Variants in PDE4D observed in about 807,000 individuals in gnomAD.
The protein encoded by PDE4D is 3',5'-cyclic-AMP phosphodiesterase 4D.
PDE4D carries 24 observed loss-of-function variants against 87.4 expected under a neutral mutation model. The observed-to-expected ratio is 0.27, with a 90% CI of 0.20 to 0.39. The LOEUF (loss-of-function observed/expected upper bound fraction) is 0.39, where lower values mean the gene tolerates loss of function less well. Ranked by LOEUF, PDE4D falls within the 10% of genes least tolerant of loss-of-function variation. PDE4D has a pLI of 1.00. For missense variants in PDE4D, 714 were observed against 1,041.0 expected (o/e 0.69, Z 4.32); for synonymous variants, 384 against 383.2 (o/e 1.00, Z -0.02).
chr5:59,698,285 T>C (rs1339739419), intron 1 of PDE4D, among the ~76,000 whole-genome samples: 1 of 152,114 alleles, frequency 6.6e-6, no homozygotes, highest in East Asian at 1.9e-4. Flanking sequence ...TTGGCTGAGA[T>C]GTATCTGAGT....
chr5:60,043,058 A>G (rs1286296342), intron 2 of PDE4D, among the ~76,000 whole-genome samples: 1 of 151,732 alleles, frequency 6.6e-6, no homozygotes, highest in Non-Finnish European at 1.5e-5. Flanking sequence ...AAAAAAGGTG[A>G]GAGGAATTGC....
chr5:59,392,491 A>G (rs994253857), intron 1 of PDE4D, among the ~76,000 whole-genome samples: 7 of 133,500 alleles, frequency 5.2e-5, no homozygotes, highest in Non-Finnish European at 8.0e-5. Flanking sequence ...CTTTATATAT[A>G]TGTGTGTGTG....
At chr5:60,082,422 T>C (rs1364938087) in intron 2 of PDE4D, among the ~76,000 whole-genome samples, 9 of 152,082 alleles carry the variant, frequency 5.9e-5, no homozygotes, top group Non-Finnish European at 1.2e-4. Context: ...AACTGTGAGA[T>C]AAATGTTTGT....
At chr5:59,877,776 G>A (rs181147354) in intron 1 of PDE4D, among the ~76,000 whole-genome samples, 4 of 152,092 alleles carry the variant, frequency 2.6e-5, no homozygotes, top group South Asian at 4.2e-4. Flanking sequence ...CCAAGATCGC[G>A]CCACTGCACT....
rs564603339 is a variant in PDE4D, at chr5:60,081,936, A to C, written c.43-93219T>G. On this transcript the variant is annotated intron_variant, in intron 2 of 16. Transcript: ENST00000502484. ...GGTTAATGAAAGTTTGAGTAAAGTA[A>C]ATTCATCAGGATCATAGGCACTACT... Among the ~76,000 whole-genome samples the C allele has an allele frequency of 2.0e-5, 3 of 152,226 alleles. No individual in the cohort carries two copies. The East Asian group carries it at 5.8e-4, about 29-fold the overall frequency.
At chr5:59,021,207 C>CT (rs1002053495) in intron 6 of PDE4D, among the ~76,000 whole-genome samples, 14 of 152,176 alleles carry the variant, frequency 9.2e-5, no homozygotes, top group African/African-American at 3.4e-4. Context: ...CAATAAGAGT[C>CT]TTTTTTATGG....
chr5:59,748,509 G>A (rs1037417116), intron 1 of PDE4D, among the ~76,000 whole-genome samples: 1 of 152,108 alleles, frequency 6.6e-6, no homozygotes, highest in Non-Finnish European at 1.5e-5. Flanking sequence ...TAGGGACATG[G>A]ATGAAGCTGG....
intron 1 of PDE4D, among the ~76,000 whole-genome samples, chr5:59,381,887 C>T (rs1785944416): frequency 6.6e-6 from 1 of 151,944 alleles, no homozygotes; most frequent in Non-Finnish European, 1.5e-5. Context: ...AATAGTCTGG[C>T]CAGAAATTTT....
At chr5:59,126,260 A>G (rs868786254) in intron 5 of PDE4D, among the ~76,000 whole-genome samples, 1 of 152,328 alleles carries the variant, frequency 6.6e-6, no homozygotes, top group African/African-American at 2.4e-5. Context: ...AAAATAGCCA[A>G]TACGACCCAA....
At chr5:60,386,429 C>G (rs1762196833) in intron 1 of PDE4D, among the ~76,000 whole-genome samples, 1 of 152,210 alleles carries the variant, frequency 6.6e-6, no homozygotes, top group South Asian at 2.1e-4. Flanking sequence ...AGAGTCTCTT[C>G]TATGTGCCTG....
intron 1 of PDE4D, among the ~76,000 whole-genome samples, chr5:59,239,048 G>A (rs1757101497): frequency 6.6e-6 from 1 of 152,180 alleles, no homozygotes; most frequent in African/African-American, 2.4e-5. Context: ...CAGCAAACAT[G>A]GGAGAGGGAT....
At chr5:59,254,268 C>A (rs1055041070) in intron 1 of PDE4D, among the ~76,000 whole-genome samples, 1 of 152,058 alleles carries the variant, frequency 6.6e-6, no homozygotes, top group Non-Finnish European at 1.5e-5. Flanking sequence ...ACATACCACC[C>A]TCCTATTTCT....
At chr5:59,603,665 T>C (rs1827813745) in intron 1 of PDE4D, among the ~76,000 whole-genome samples, 1 of 151,852 alleles carries the variant, frequency 6.6e-6, no homozygotes, top group South Asian at 2.1e-4. Context: ...AGATAAATCC[T>C]GCATGATCTC....
chr5:59,180,324 A>C, intron 5 of PDE4D: 1 of 623,616 alleles, frequency 1.6e-6, no homozygotes, highest in Non-Finnish European at 3.0e-6. Flanking sequence ...TCAAAATACA[A>C]ATGCCCAGAG....
intron 1 of PDE4D, among the ~76,000 whole-genome samples, chr5:60,499,249 G>A (rs968056532): frequency 1.3e-5 from 2 of 152,212 alleles, no homozygotes; most frequent in African/African-American, 4.8e-5. Context: ...GCCAGGAGAT[G>A]TGCATGCATT....
intron 1 of PDE4D, among the ~76,000 whole-genome samples, chr5:60,275,702 T>C (rs996238625): frequency 6.6e-6 from 1 of 152,246 alleles, no homozygotes; most frequent in East Asian, 1.9e-4. Flanking sequence ...TTCTTTTTTC[T>C]AGGTTCTTGA....
At chr5:60,065,936 T>C (rs992995457) in intron 2 of PDE4D, among the ~76,000 whole-genome samples, 13 of 152,162 alleles carry the variant, frequency 8.5e-5, no homozygotes, top group Non-Finnish European at 1.9e-4. Context: ...TTATAATCCT[T>C]TGGGTATATA....
intron 1 of PDE4D, among the ~76,000 whole-genome samples, chr5:59,685,317 T>C (rs555379360): frequency 6.6e-6 from 1 of 152,216 alleles, no homozygotes; most frequent in African/African-American, 2.4e-5. Flanking sequence ...TGATTTAAGA[T>C]CATTTCTTCC....
intron 1 of PDE4D, among the ~76,000 whole-genome samples, chr5:59,805,461 A>G (rs1033004653): frequency 6.6e-6 from 1 of 152,226 alleles, no homozygotes; most frequent in Admixed American, 6.5e-5. Flanking sequence ...GTGTTCACTT[A>G]GTGAAAATTC....
Sources: gnomAD v4.1 joint callset for allele counts (sites outside exome capture counted in the v4.1 genomes callset) on GRCh38, gnomAD v4.1.1 for gene constraint, MANE v1.5 for transcripts, NCBI Gene and HGNC (gene_info 2026-07-23, HGNC 2026-07-21) for gene names.